SLC25A31: variants seen among roughly 807,000 people sequenced by gnomAD.
SLC25A31 encodes the protein ADP/ATP translocase 4.
SLC25A31 carries 40 observed loss-of-function variants against 36.2 expected under a neutral mutation model. The ratio of observed to expected loss-of-function variants is 1.10; its 90% CI spans 0.86 to 1.44. The LOEUF is 1.44. Among genes scored for constraint, SLC25A31 ranks in the 40% most tolerant of loss-of-function variants. The pLI is 0.00. For synonymous variants in SLC25A31, 143 were observed against 149.7 expected (o/e 0.96, Z 0.32); for missense variants, 350 against 397.1 (o/e 0.88, Z 1.01).
In SLC25A31 at chr4:127,730,402, C is replaced by T. The variant is rs541707511; in HGVS notation, c.-144C>T. The T allele has an allele frequency of 8.0e-6, 7 of 874,464 alleles. No homozygotes were observed. Among genetic ancestry groups the T allele is most frequent in the South Asian group, 5.4e-5 (3 of 55,550 alleles). The allele number at this position is 874,464 out of a possible 1,614,324, so 54.2% of individuals were successfully genotyped here. Reference sequence around the variant, plus strand: ...CGCAGCTTTTCCGCACGCGCCTCGCCGGCGCGCGGCTCTCTCAGCGTCCCA... The same window carrying T: ...CGCAGCTTTTCCGCACGCGCCTCGCTGGCGCGCGGCTCTCTCAGCGTCCCA... On this transcript the variant is annotated 5_prime_UTR_variant, in exon 1 of 6. Coordinates refer to ENST00000281154, the MANE Select transcript of SLC25A31 (RefSeq NM_031291.4).
intron 2 of SLC25A31, among the ~76,000 whole-genome samples, chr4:127,745,812 C>G (rs1199529868): frequency 1.3e-5 from 2 of 151,952 alleles, no homozygotes; most frequent in Non-Finnish European, 2.9e-5. Context: ...GGTTTTTTTA[C>G]TTTTATTTTA....
At position 127,767,159 on chromosome 4, in the gene SLC25A31, T is replaced by C; in HGVS notation, c.572T>C (p.Val191Ala). ...GCTGGTTTATACCAAGGGTTTGGTG[T>C]TTCAGTACAGGGCATCATTGTGTAC... ...GIAGLYQGFG[V>A]SVQGIIVYRA... The change falls in exon 4 of 6, where the codon GTT (valine) becomes GCT (alanine). Residue 191 changes from valine to alanine, a missense_variant. By Grantham distance (64) the Val-to-Ala change is moderately conservative. Transcript: ENST00000281154. The C allele has an allele frequency of 6.2e-7, 1 of 1,613,818 alleles. No homozygotes were observed. Among genetic ancestry groups the C allele is most frequent in the Non-Finnish European group, 8.5e-7 (1 of 1,179,846 alleles).
intron 5 of SLC25A31, among the ~76,000 whole-genome samples, chr4:127,770,799 AC>A (rs1249555712): frequency 6.6e-6 from 1 of 152,144 alleles, no homozygotes; most frequent in Non-Finnish European, 1.5e-5. Context: ...TGCTTAAACA[AC>A]AAATTTATTT....
intron 2 of SLC25A31, among the ~76,000 whole-genome samples, chr4:127,754,433 G>C (rs962683390): frequency 1.3e-5 from 2 of 151,788 alleles, no homozygotes; most frequent in Non-Finnish European, 2.9e-5. Context: ...AATGAATTCA[G>C]TAAAGTCACA....
intron 1 of SLC25A31, among the ~76,000 whole-genome samples, chr4:127,733,902 C>T (rs181889197): frequency 6.6e-6 from 1 of 152,124 alleles, no homozygotes; most frequent in Non-Finnish European, 1.5e-5. Flanking sequence ...TGCATTCTTG[C>T]CTTGAATATA....
At chr4:127,771,336 G>T (rs562048520) in intron 5 of SLC25A31, among the ~76,000 whole-genome samples, 2 of 152,136 alleles carry the variant, frequency 1.3e-5, no homozygotes, top group East Asian at 3.9e-4. Flanking sequence ...TACCTTTAAA[G>T]ACCCTATCTC....
At chr4:127,744,333 C>A (rs1391977539) in intron 1 of SLC25A31, among the ~76,000 whole-genome samples, 1 of 152,190 alleles carries the variant, frequency 6.6e-6, no homozygotes, top group Non-Finnish European at 1.5e-5. Flanking sequence ...AGGTGTTATA[C>A]ATCAGGATTT....
In SLC25A31 at chr4:127,730,595, C is replaced by T. The variant is rs1344901575; in HGVS notation, c.50C>T (p.Ala17Val). 4.3e-6 allele frequency: 7 copies of T among 1,614,096 alleles called. No individual in the cohort carries two copies. Among genetic ancestry groups the T allele is most frequent in the Non-Finnish European group, 5.9e-6 (7 of 1,179,952 alleles). The change falls in exon 1 of 6, where the codon GCC (alanine) becomes GTC (valine). Residue 17 changes from alanine to valine, a missense_variant. Coordinates refer to ENST00000281154, the MANE Select transcript of SLC25A31 (RefSeq NM_031291.4). ...AAGGCAGAAAAGCGGCTGTTTGACG[C>T]CTCATCCTTCGGGAAGGACCTTCTG... ...KKKAEKRLFD[A>V]SSFGKDLLAG...
At chr4:127,772,213 C>G (rs1732377470) in intron 5 of SLC25A31, among the ~76,000 whole-genome samples, 1 of 152,114 alleles carries the variant, frequency 6.6e-6, no homozygotes. Context: ...ATGTGGTTTT[C>G]TTTATGAGAA....
chr4:127,742,029 T>G (rs1332331681), intron 1 of SLC25A31, among the ~76,000 whole-genome samples: 2 of 152,190 alleles, frequency 1.3e-5, no homozygotes, highest in African/African-American at 4.8e-5. Flanking sequence ...TTTTCTTAAG[T>G]CTAGCTAGAG....
At chr4:127,748,220 G>T (rs549842750) in intron 2 of SLC25A31, among the ~76,000 whole-genome samples, 8 of 152,280 alleles carry the variant, frequency 5.3e-5, no homozygotes, top group Admixed American at 2.0e-4. Context: ...AACTCTCCCA[G>T]CTGAGTCACT....
At chr4:127,755,416 T>C (rs1035599504) in intron 2 of SLC25A31, among the ~76,000 whole-genome samples, 2 of 152,134 alleles carry the variant, frequency 1.3e-5, no homozygotes, top group African/African-American at 2.4e-5. Context: ...ATATAAAAAC[T>C]GTATAGAGAA....
intron 2 of SLC25A31, among the ~76,000 whole-genome samples, chr4:127,762,153 AT>A (rs1338411088): frequency 6.6e-6 from 1 of 152,226 alleles, no homozygotes; most frequent in African/African-American, 2.4e-5. Flanking sequence ...AAACAGAGGA[AT>A]TAAGAATCTT....
At chr4:127,732,232 G>C (rs1490226730) in intron 1 of SLC25A31, among the ~76,000 whole-genome samples, 1 of 152,104 alleles carries the variant, frequency 6.6e-6, no homozygotes. Context: ...CCTGTTCTAG[G>C]GCCAGATACT....
intron 2 of SLC25A31, among the ~76,000 whole-genome samples, chr4:127,745,003 A>G (rs1353414040): frequency 6.6e-6 from 1 of 152,176 alleles, no homozygotes; most frequent in Non-Finnish European, 1.5e-5. Flanking sequence ...TACAAAAATC[A>G]TAAAGGATCT....
intron 2 of SLC25A31, among the ~76,000 whole-genome samples, chr4:127,762,655 A>G (rs781692340): frequency 2.0e-5 from 3 of 152,160 alleles, no homozygotes; most frequent in Non-Finnish European, 4.4e-5. Flanking sequence ...GCAGTGGCTC[A>G]CACCTGTAAT....
intron 2 of SLC25A31, among the ~76,000 whole-genome samples, chr4:127,747,770 T>G (rs928208090): frequency 3.9e-5 from 6 of 152,184 alleles, no homozygotes; most frequent in East Asian, 1.9e-4. Flanking sequence ...TGACTCAGAT[T>G]GTTAGTTCCA....
At chr4:127,748,992 T>C (rs934924751) in intron 2 of SLC25A31, among the ~76,000 whole-genome samples, 17 of 151,508 alleles carry the variant, frequency 1.1e-4, no homozygotes, top group African/African-American at 3.6e-4. Flanking sequence ...AGAATCTTAA[T>C]GCAAGATAGA....
At chr4:127,745,653 T>G (rs2148756538) in intron 2 of SLC25A31, among the ~76,000 whole-genome samples, 1 of 152,312 alleles carries the variant, frequency 6.6e-6, no homozygotes, top group South Asian at 2.1e-4. Context: ...TTTCACAGTT[T>G]TATTAACAGT....
Sources: gnomAD v4.1 joint callset for allele counts (sites outside exome capture counted in the v4.1 genomes callset) on GRCh38, gnomAD v4.1.1 for gene constraint, MANE v1.5 for transcripts, NCBI Gene and HGNC (gene_info 2026-07-23, HGNC 2026-07-21) for gene names.